Variants in CENPQ observed in about 807,000 individuals in gnomAD.
CENPQ encodes chromosome 6 open reading frame 139.
CENPQ carries 27 observed loss-of-function variants against 36.6 expected under a neutral mutation model. That is an observed-to-expected ratio of 0.74 (90% CI 0.54 to 1.02). CENPQ has a LOEUF of 1.02. Ranked by LOEUF, CENPQ falls within the 50% of genes least tolerant of loss-of-function variation. CENPQ has a pLI of 0.00. For synonymous variants in CENPQ, 101 were observed against 101.7 expected, an observed-to-expected ratio of 0.99 and a Z score of 0.04; for missense variants, 306 against 301.8, an observed-to-expected ratio of 1.01 and a Z score of -0.10.
intron 5 of CENPQ, among the ~76,000 whole-genome samples, chr6:49,477,844 T>TATCTTC (rs1768338786): frequency 6.6e-6 from 1 of 152,166 alleles, no homozygotes; most frequent in South Asian, 2.1e-4. Flanking sequence ...GAAGAAGATA[T>TATCTTC]TAAAAAGATA....
In CENPQ at chr6:49,492,084, C is replaced by T. The variant is rs761293369; in HGVS notation, c.676-60C>T. ...TTATTTTACTGTTCTCTCTAACATA[C>T]ATTTGAGATTTCTCATAATAAAATG... On this transcript the variant is annotated intron_variant, in intron 8 of 8. Transcript: ENST00000335783. 1.5e-4 allele frequency: 201 copies of T among 1,319,640 alleles called. 2 individuals carry two copies. In the Middle Eastern group the frequency reaches 4.5e-3, roughly 29 times the overall value. The allele number at this position is 1,319,640 out of a possible 1,614,324, so 81.7% of individuals were successfully genotyped here. A position where few individuals can be genotyped will look rare whatever the true frequency, so the allele number is the denominator to read the frequency against.
chr6:49,483,292 C>T (rs1297628389), intron 6 of CENPQ, among the ~76,000 whole-genome samples: 4 of 152,104 alleles, frequency 2.6e-5, no homozygotes, highest in Non-Finnish European at 1.5e-5. Context: ...GGTGTATTTA[C>T]AATCCCTTAG....
chr6:49,479,826 C>T lies in CENPQ; in HGVS notation c.348-1125C>T, dbSNP rs536808084. On this transcript the variant is annotated intron_variant, in intron 5 of 8. Transcript: ENST00000335783. ...TGAGATCATGTCCTTTGCAGCAACA[C>T]GGTTGGAGCTAGAGGTCATTATCCT... Among the ~76,000 whole-genome samples, 9 of 152,248 alleles carry T rather than the reference C, an allele frequency of 5.9e-5. No individual in the cohort carries two copies. The South Asian group carries it at 6.2e-4, about 11-fold the overall frequency.
Position 49,492,235 on chromosome 6 carries a change from C to T in CENPQ, c.767C>T (p.Thr256Ile), listed in dbSNP as rs751162351. Reference sequence around the variant, plus strand: ...TCATCACAGATGAAGAGCATGTCAACCTTCATTGAAGAAGCCTATAAGAAA... The same window carrying T: ...TCATCACAGATGAAGAGCATGTCAATCTTCATTGAAGAAGCCTATAAGAAA... ...HNSSQMKSMS[T>I]FIEEAYKKLD... The change falls in exon 9 of 9, where the codon ACC becomes ATC. Residue 256 changes from threonine (T) to isoleucine (I), a missense_variant. Thr to Ile is a moderately conservative substitution (Grantham distance 89, BLOSUM62 -1). Coordinates refer to ENST00000335783, the MANE Select transcript of CENPQ (RefSeq NM_018132.4). 3.1e-6 allele frequency: 5 copies of T among 1,606,432 alleles called. No homozygotes were observed. The highest frequency in any genetic ancestry group is 1.1e-5 in the South Asian group (1 of 88,838).
intron 4 of CENPQ, 33 bp downstream of exon 4, chr6:49,472,216 G>A: frequency 6.4e-7 from 1 of 1,554,986 alleles, no homozygotes; most frequent in Non-Finnish European, 8.7e-7. Context: ...TCATTCTTTT[G>A]GTTCCCATTT....
intron 5 of CENPQ, among the ~76,000 whole-genome samples, chr6:49,477,346 C>T (rs894584227): frequency 2.0e-5 from 3 of 147,276 alleles, no homozygotes; most frequent in African/African-American, 7.6e-5. Flanking sequence ...CGCATATTCT[C>T]ACTCATAGGT....
intron 3 of CENPQ, 134 bp from the exon 4 acceptor site, chr6:49,471,929 A>T: frequency 1.1e-6 from 1 of 915,942 alleles, no homozygotes; most frequent in Non-Finnish European, 1.5e-6. Flanking sequence ...AAAGTAAATT[A>T]AACAGTTTAT....
At chr6:49,468,466 T>G (rs1768054888) in intron 1 of CENPQ, among the ~76,000 whole-genome samples, 1 of 151,102 alleles carries the variant, frequency 6.6e-6, no homozygotes. Flanking sequence ...TGGTGGGGGG[T>G]GCCTGTAGTC....
chr6:49,484,663 G>A (rs917397535), intron 6 of CENPQ, among the ~76,000 whole-genome samples: 3 of 152,060 alleles, frequency 2.0e-5, no homozygotes, highest in Admixed American at 1.3e-4. Context: ...TTTTCCATAG[G>A]ATTGAGAATA....
At chr6:49,483,049 C>G (rs1340907393) in intron 6 of CENPQ, among the ~76,000 whole-genome samples, 1 of 152,122 alleles carries the variant, frequency 6.6e-6, no homozygotes. Flanking sequence ...TGCTTTTAGT[C>G]TCTTGTCTGG....
intron 1 of CENPQ, among the ~76,000 whole-genome samples, chr6:49,464,383 T>C (rs1156658099): frequency 6.6e-6 from 1 of 152,226 alleles, no homozygotes; most frequent in African/African-American, 2.4e-5. Context: ...TTGCTTGATG[T>C]TGATGGCTGT....
intron 1 of CENPQ, among the ~76,000 whole-genome samples, chr6:49,468,344 G>A (rs1768051665): frequency 6.6e-6 from 1 of 152,020 alleles, no homozygotes; most frequent in Non-Finnish European, 1.5e-5. Context: ...TGTAATCTCA[G>A]CGCTTTGGGA....
At chr6:49,483,732 GC>G (rs1768510452) in intron 6 of CENPQ, among the ~76,000 whole-genome samples, 1 of 152,198 alleles carries the variant, frequency 6.6e-6, no homozygotes, top group Admixed American at 6.5e-5. Flanking sequence ...CTAAACCCAC[GC>G]CCACCTGGAA....
At chr6:49,482,280 G>A (rs1039862296) in intron 6 of CENPQ, among the ~76,000 whole-genome samples, 10 of 152,218 alleles carry the variant, frequency 6.6e-5, no homozygotes, top group Non-Finnish European at 1.0e-4. Flanking sequence ...ACAGTGCAGC[G>A]GTGGGCTGAA....
chr6:49,479,736 T>C (rs2127426092), intron 5 of CENPQ, among the ~76,000 whole-genome samples: 1 of 152,224 alleles, frequency 6.6e-6, no homozygotes, highest in African/African-American at 2.4e-5. Context: ...GGCCTATCAG[T>C]GGTAGATTAG....
chr6:49,481,215 T>C (rs1206389837), intron 6 of CENPQ, 135 bp downstream of exon 6: 2 of 773,730 alleles, frequency 2.6e-6, no homozygotes, highest in Admixed American at 7.2e-5. Context: ...TTAAATTGTT[T>C]TTTTGTTGTT....
chr6:49,468,121 T>G (rs572399438), intron 1 of CENPQ, among the ~76,000 whole-genome samples: 7 of 152,244 alleles, frequency 4.6e-5, no homozygotes, highest in Admixed American at 3.3e-4. Flanking sequence ...TGGGAGGGAC[T>G]AGGCAGGGCT....
At chr6:49,476,391 TC>T (rs1244281788) in intron 5 of CENPQ, among the ~76,000 whole-genome samples, 1 of 152,120 alleles carries the variant, frequency 6.6e-6, no homozygotes, top group African/African-American at 2.4e-5. Context: ...TGAAACTGGA[TC>T]CCTTCCTTAT....
At chr6:49,484,407 A>G (rs575556820) in intron 6 of CENPQ, among the ~76,000 whole-genome samples, 2 of 152,348 alleles carry the variant, frequency 1.3e-5, no homozygotes, top group East Asian at 1.9e-4. Flanking sequence ...CTTATCTATC[A>G]TGGTTAACTT....
Sources: gnomAD v4.1 joint callset for allele counts (sites outside exome capture counted in the v4.1 genomes callset) on GRCh38, gnomAD v4.1.1 for gene constraint, MANE v1.5 for transcripts, NCBI Gene and HGNC (gene_info 2026-07-23, HGNC 2026-07-21) for gene names.